Variants in RBFOX1 observed in about 807,000 individuals in gnomAD.
The protein encoded by RBFOX1 is RNA binding fox-1 homolog 1.
RBFOX1 carries 8 observed loss-of-function variants against 57.7 expected under a neutral mutation model. That is an observed-to-expected ratio of 0.14 (90% CI 0.08 to 0.25). The LOEUF (loss-of-function observed/expected upper bound fraction) is 0.25. Ranked by LOEUF, RBFOX1 falls within the 10% of genes least tolerant of loss-of-function variation. The probability of loss-of-function intolerance (pLI) is 1.00; values close to 1 mark genes in which losing one functional copy is unlikely to be tolerated. For missense variants in RBFOX1, 611 were observed against 548.5 expected (o/e 1.11, Z -1.14); for synonymous variants, 326 against 222.4 (o/e 1.47, Z -4.15).
intron 14 of RBFOX1, among the ~76,000 whole-genome samples, chr16:7,681,311 G>C (rs34555654): frequency 0.2 from 30,623 of 152,024 alleles, 3,268 homozygotes; most frequent in South Asian, 0.36. Flanking sequence ...GCAAGGAAGG[G>C]ACCATCTTTC....
chr16:6,454,816 C>T (rs1469599394), intron 2 of RBFOX1, among the ~76,000 whole-genome samples: 4 of 149,746 alleles, frequency 2.7e-5, no homozygotes, highest in South Asian at 2.1e-4. Flanking sequence ...TTCCATGTTC[C>T]GTCCCCTATT....
chr16:6,139,621 C>A (rs1329669714), intron 1 of RBFOX1, among the ~76,000 whole-genome samples: 1 of 152,224 alleles, frequency 6.6e-6, no homozygotes, highest in Non-Finnish European at 1.5e-5. Flanking sequence ...TTGTCAGCAC[C>A]CATGTAACTG....
chr16:6,235,594 GTA>G (rs2097500040), intron 1 of RBFOX1, among the ~76,000 whole-genome samples: 1 of 146,034 alleles, frequency 6.8e-6, no homozygotes, highest in South Asian at 2.2e-4. Context: ...GTGTGTGTGT[GTA>G]TACATGATGG....
At chr16:5,614,165 G>A (rs2047932103) in intron 3 of RBFOX1, among the ~76,000 whole-genome samples, 1 of 152,096 alleles carries the variant, frequency 6.6e-6, no homozygotes, top group Non-Finnish European at 1.5e-5. Flanking sequence ...CAGGTGGTTG[G>A]GGGATCCTGT....
chr16:6,623,748 T>A (rs1430897998), intron 2 of RBFOX1, among the ~76,000 whole-genome samples: 4 of 152,192 alleles, frequency 2.6e-5, no homozygotes, highest in Admixed American at 2.0e-4. Context: ...TCCAGCTTCA[T>A]CCATGTCCCT....
rs539720602 is a variant in RBFOX1, at chr16:6,813,671, C to A, written c.-16+159021C>A. ...TGCAATTCCTTTTCATTTTGAATTT[C>A]TTTATCACCTTTCCAAGTCCCATAC... On this transcript the variant is annotated intron_variant, in intron 3 of 15. Coordinates refer to ENST00000550418, the MANE Select transcript of RBFOX1 (RefSeq NM_018723.4). Among the ~76,000 whole-genome samples, 5 of 152,228 alleles carry A rather than the reference C, an allele frequency of 3.3e-5. No homozygotes were observed. The East Asian group carries it at 9.7e-4, about 29-fold the overall frequency.
At chr16:6,594,079 A>C (rs73541329) in intron 2 of RBFOX1, among the ~76,000 whole-genome samples, 4,848 of 152,262 alleles carry the variant, frequency 0.032, 241 homozygotes, top group African/African-American at 0.11. Flanking sequence ...GAGTTCATCT[A>C]TATCCACAAA....
Position 5,811,199 on chromosome 16 carries a change from A to G in RBFOX1, c.319-56104A>G, listed in dbSNP as rs1212600228. Among the ~76,000 whole-genome samples the G allele has an allele frequency of 5.9e-5, 8 of 135,768 alleles. No homozygotes were observed. In the Admixed American group the frequency reaches 6.5e-4, roughly 11 times the overall value. The allele number at this position is 135,768 out of a possible 152,430, so 89.1% of individuals were successfully genotyped here. On this transcript the variant is annotated intron_variant, in intron 3 of 19. Transcript: ENST00000641259. ...AGTCTGTCACCCAGGCTGCAGTGCA[A>G]TGGTGCGATCTCGGCTCACTGCAAC... is the stretch of plus-strand genomic sequence containing the variant.
chr16:6,014,511 T>A (rs1169228863), upstream of RBFOX1, among the ~76,000 whole-genome samples: 1 of 152,132 alleles, frequency 6.6e-6, no homozygotes, highest in Admixed American at 6.6e-5. Flanking sequence ...CGATAGATGG[T>A]GAGTGAGTTC....
intron 3 of RBFOX1, among the ~76,000 whole-genome samples, chr16:5,714,528 T>C (rs1283149571): frequency 1.3e-5 from 2 of 152,150 alleles, no homozygotes; most frequent in African/African-American, 4.8e-5. Flanking sequence ...CCAACCTGGG[T>C]GGGACCTTAG....
intron 3 of RBFOX1, among the ~76,000 whole-genome samples, chr16:5,839,353 G>A (rs1479440058): frequency 6.6e-6 from 1 of 152,014 alleles, no homozygotes; most frequent in East Asian, 1.9e-4. Context: ...GTTTCATTTG[G>A]GACCCACTTT....
At chr16:6,904,912 C>G (rs892676538) in intron 3 of RBFOX1, among the ~76,000 whole-genome samples, 1 of 152,072 alleles carries the variant, frequency 6.6e-6, no homozygotes, top group Non-Finnish European at 1.5e-5. Flanking sequence ...TTCCCAATTC[C>G]CTCAGACAAC....
At chr16:6,965,598 A>T (rs1598572963) in intron 3 of RBFOX1, among the ~76,000 whole-genome samples, 2 of 152,196 alleles carry the variant, frequency 1.3e-5, no homozygotes, top group South Asian at 2.1e-4. Flanking sequence ...TGGCTTCCCA[A>T]AGTGCTGAGA....
chr16:6,691,736 C>G (rs934849345), intron 3 of RBFOX1, among the ~76,000 whole-genome samples: 12 of 152,246 alleles, frequency 7.9e-5, no homozygotes, highest in African/African-American at 2.4e-4. Flanking sequence ...CGCACATGGC[C>G]AAGGAATTTT....
chr16:6,046,024 A>G (rs1010656664), intron 1 of RBFOX1, among the ~76,000 whole-genome samples: 3 of 152,226 alleles, frequency 2.0e-5, no homozygotes, highest in South Asian at 2.1e-4. Flanking sequence ...CGTCTCATGC[A>G]GAGGATAAGG....
At chr16:6,598,619 A>G (rs2097803365) in intron 2 of RBFOX1, among the ~76,000 whole-genome samples, 1 of 151,514 alleles carries the variant, frequency 6.6e-6, no homozygotes, top group African/African-American at 2.4e-5. Flanking sequence ...TATGATAAAC[A>G]GTATTATGTG....
At chr16:7,271,904 C>A (rs2095327010) in intron 4 of RBFOX1, among the ~76,000 whole-genome samples, 1 of 152,122 alleles carries the variant, frequency 6.6e-6, no homozygotes, top group African/African-American at 2.4e-5. Context: ...AGTTGACATC[C>A]ATGAGTGCCC....
At chr16:5,924,384 G>C (rs180801393) in intron 4 of RBFOX1, among the ~76,000 whole-genome samples, 1 of 152,150 alleles carries the variant, frequency 6.6e-6, no homozygotes, top group Non-Finnish European at 1.5e-5. Flanking sequence ...AGAGGTGTTC[G>C]GGTCATGAGG....
intron 2 of RBFOX1, among the ~76,000 whole-genome samples, chr16:5,494,551 G>T (rs1233141335): frequency 1.3e-5 from 2 of 152,192 alleles, no homozygotes; most frequent in East Asian, 3.9e-4. Context: ...GGAGGTCTTG[G>T]AGCAAGAGGG....
Sources: allele counts gnomAD v4.1 joint callset (sites outside exome capture counted in the v4.1 genomes callset), GRCh38; gene constraint gnomAD v4.1.1; transcripts MANE v1.5; gene names NCBI Gene and HGNC (gene_info 2026-07-23, HGNC 2026-07-21).